KDM2A: variants seen among roughly 807,000 people sequenced by gnomAD.
The protein encoded by KDM2A is lysine demethylase 2A.
A neutral mutation model predicts 137.3 loss-of-function variants in KDM2A; 3 were observed. The ratio of observed to expected loss-of-function variants is 0.02; its 90% CI spans 0.01 to 0.06. The LOEUF is 0.06. KDM2A is among the 10% of genes least tolerant of loss of function. KDM2A has a pLI of 1.00. For synonymous variants in KDM2A, 512 were observed against 541.5 expected (o/e 0.95, Z 0.76); for missense variants, 738 against 1,510.6 (o/e 0.49, Z 8.48).
chr11:67,209,809 C>T (rs1379526660), intron 6 of KDM2A, among the ~76,000 whole-genome samples: 1 of 152,160 alleles, frequency 6.6e-6, no homozygotes, highest in Non-Finnish European at 1.5e-5. Context: ...GCCTGTAATT[C>T]CAGCACTTTG....
At chr11:67,203,164 T>C in intron 5 of KDM2A, among the ~76,000 whole-genome samples, 1 of 152,162 alleles carries the variant, frequency 6.6e-6, no homozygotes, top group Non-Finnish European at 1.5e-5. Context: ...CACTGAAGGC[T>C]CAGATGATTG....
intron 5 of KDM2A, among the ~76,000 whole-genome samples, chr11:67,189,675 A>G (rs1318977397): frequency 6.6e-6 from 1 of 152,044 alleles, no homozygotes; most frequent in Non-Finnish European, 1.5e-5. Context: ...CCCCATCTCT[A>G]CTAAAAATAC....
intron 5 of KDM2A, chr11:67,196,965 C>T (rs1857498358): frequency 6.5e-6 from 1 of 154,036 alleles, no homozygotes; most frequent in Non-Finnish European, 1.4e-5. Context: ...TATGTAAGAT[C>T]TTATTCAGTC....
intron 5 of KDM2A, chr11:67,196,607 G>A (rs76723397): frequency 4.3e-5 from 16 of 372,844 alleles, no homozygotes; most frequent in African/African-American, 3.2e-4. Flanking sequence ...CTTATGCTAA[G>A]TGAAATAACC....
intron 9 of KDM2A, among the ~76,000 whole-genome samples, chr11:67,218,666 G>A (rs758479497): frequency 1.3e-5 from 2 of 152,012 alleles, no homozygotes; most frequent in African/African-American, 2.4e-5. Context: ...GTGCAGTAGC[G>A]TGATCTTGGC....
intron 5 of KDM2A, among the ~76,000 whole-genome samples, chr11:67,192,860 T>TC (rs1323228966): frequency 6.6e-6 from 1 of 152,190 alleles, no homozygotes; most frequent in East Asian, 1.9e-4. Context: ...GTATACATTT[T>TC]CACCTTGTCA....
Position 67,250,685 on chromosome 11 carries a change from T to C in KDM2A, c.2655T>C (p.Ala885=). The C allele has an allele frequency of 6.2e-7, 1 of 1,600,622 alleles. No individual in the cohort carries two copies. Among genetic ancestry groups the C allele is most frequent in the Non-Finnish European group, 8.5e-7 (1 of 1,172,012 alleles). The part of the protein sequence containing the change: ...AARLNGRGSW[A]QDGDESWMQR... Reference sequence around the variant, plus strand: ...GGCTGAATGGCCGGGGCAGTTGGGCTCAGGATGGAGACGAAAGCTGGATGC... The same window carrying C: ...GGCTGAATGGCCGGGGCAGTTGGGCCCAGGATGGAGACGAAAGCTGGATGC... Residue 885 remains alanine (A), a synonymous_variant, in exon 17 of 21, where the codon GCT becomes GCC. Transcript: ENST00000529006. This position sits in a 1 kb window ranked among gnomAD's most constrained non-coding sequence, Gnocchi z 7.1.
intron 2 of KDM2A, among the ~76,000 whole-genome samples, chr11:67,172,516 T>G (rs534801944): frequency 6.6e-6 from 1 of 152,124 alleles, no homozygotes; most frequent in Non-Finnish European, 1.5e-5. Flanking sequence ...TATTCCTTAG[T>G]TTTTTTTATG....
chr11:67,136,177 C>T (rs1184382375), intron 2 of KDM2A, among the ~76,000 whole-genome samples: 7 of 152,106 alleles, frequency 4.6e-5, no homozygotes, highest in South Asian at 2.1e-4. Flanking sequence ...CTGGCATTTT[C>T]GATATACTCA....
At chr11:67,211,484 C>G (rs1162424076) in intron 6 of KDM2A, among the ~76,000 whole-genome samples, 1 of 151,530 alleles carries the variant, frequency 6.6e-6, no homozygotes, top group Non-Finnish European at 1.5e-5. Context: ...TGTGGTGGTG[C>G]ACACCCGTGA....
At chr11:67,235,395 C>T (rs1473550607) in intron 12 of KDM2A, among the ~76,000 whole-genome samples, 2 of 150,904 alleles carry the variant, frequency 1.3e-5, no homozygotes, top group African/African-American at 4.9e-5. Context: ...ACCTCCACCT[C>T]CCAGGTTCAA....
chr11:67,216,147 T>C (rs796152419), intron 8 of KDM2A, among the ~76,000 whole-genome samples, 198 bp downstream of exon 8: 13 of 152,350 alleles, frequency 8.5e-5, no homozygotes, highest in African/African-American at 2.9e-4. Context: ...TTCACTGTCA[T>C]TACACCATTG....
chr11:67,180,658 A>C (rs1235632712), intron 3 of KDM2A, among the ~76,000 whole-genome samples: 3 of 151,424 alleles, frequency 2.0e-5, no homozygotes, highest in African/African-American at 7.3e-5. Flanking sequence ...TGTTTTGTTT[A>C]CTTTTTTTTT....
chr11:67,187,899 A>T (rs1158069258), intron 5 of KDM2A, among the ~76,000 whole-genome samples: 1 of 151,526 alleles, frequency 6.6e-6, no homozygotes, highest in East Asian at 2.0e-4. Context: ...AAATCAAAGA[A>T]TGGTTCCAAG....
intron 12 of KDM2A, among the ~76,000 whole-genome samples, chr11:67,238,509 C>G (rs1858934751): frequency 6.6e-6 from 1 of 152,070 alleles, no homozygotes; most frequent in East Asian, 1.9e-4. Context: ...GATACAGTGT[C>G]CGGGAGAAGT....
chr11:67,230,227 G>A (rs1858669452), intron 11 of KDM2A, among the ~76,000 whole-genome samples: 1 of 151,972 alleles, frequency 6.6e-6, no homozygotes, highest in Non-Finnish European at 1.5e-5. Flanking sequence ...ATGAGCACCT[G>A]TAGTCCCAGC....
chr11:67,203,517 A>T (rs1014207705), intron 5 of KDM2A, among the ~76,000 whole-genome samples: 37 of 147,656 alleles, frequency 2.5e-4, no homozygotes, highest in African/African-American at 3.2e-4. Flanking sequence ...ATATAATATA[A>T]AATATATAAT....
chr11:67,193,314 A>G (rs758990522), intron 5 of KDM2A, among the ~76,000 whole-genome samples: 5 of 152,176 alleles, frequency 3.3e-5, no homozygotes, highest in African/African-American at 1.2e-4. Flanking sequence ...CAACAATCTG[A>G]TGGGTATGAA....
chr11:67,256,210 TGGAG>T lies in KDM2A; in HGVS notation c.*1170_*1173del, dbSNP rs149878670. On this transcript the variant is annotated 3_prime_UTR_variant, in exon 21 of 21. Transcript: ENST00000529006. Reference sequence around the variant, plus strand: ...GCTGAGTGTATTCTGCGCGTGTGTGTGGAGGGAGGGAGGGAGGGGAGCATGGTGT... The same window carrying T: ...GCTGAGTGTATTCTGCGCGTGTGTGTGGAGGGAGGGAGGGGAGCATGGTGT... 3.1e-3 allele frequency: 436 copies of T among 140,574 alleles called. 4 individuals carry two copies. Among genetic ancestry groups the T allele is most frequent in the East Asian group, 0.03 (121 of 4,030 alleles). 8.7% of individuals were successfully genotyped at this position (140,574 alleles called of 1,614,324 possible).
Sources: gnomAD v4.1 joint callset for allele counts (sites outside exome capture counted in the v4.1 genomes callset) on GRCh38, gnomAD v4.1.1 for gene constraint, Gnocchi (gnomAD v3.1) non-coding constraint, MANE v1.5 for transcripts, NCBI Gene and HGNC (gene_info 2026-07-23, HGNC 2026-07-21) for gene names.